BMAL1: variants seen among roughly 807,000 people sequenced by gnomAD.
BMAL1 encodes the protein basic helix-loop-helix ARNT-like protein 1.
At chr11:13,325,649 G>T in the BMAL1 span, among the ~76,000 whole-genome samples, 1 of 105,008 alleles carries the variant, frequency 9.5e-6, no homozygotes, top group Non-Finnish European at 2.1e-5. Context: ...GCTGCCTTTT[G>T]AGACCTTTTG....
chr11:13,347,681 T>C, the BMAL1 span, among the ~76,000 whole-genome samples: 21 of 85,258 alleles, frequency 2.5e-4, no homozygotes, highest in Middle Eastern at 0.013. Flanking sequence ...GCCTCCTCTC[T>C]ACAAAAAATA....
the BMAL1 span, chr11:13,354,197 C>G: frequency 1.3e-6 from 1 of 741,104 alleles, no homozygotes; most frequent in Non-Finnish European, 2.1e-6. Flanking sequence ...GTCTCCCCCC[C>G]CGGCCCCCCA....
chr11:13,375,518 G>C, the BMAL1 span: 4 of 1,075,380 alleles, frequency 3.7e-6, no homozygotes, highest in Non-Finnish European at 3.8e-6. Flanking sequence ...GATGTCGTTG[G>C]AGCTCAAGTA....
the BMAL1 span, among the ~76,000 whole-genome samples, chr11:13,280,796 ATC>A: frequency 6.6e-6 from 1 of 152,024 alleles, no homozygotes; most frequent in African/African-American, 2.4e-5. Context: ...CCCCCTCAGC[ATC>A]TCTTACTTCC....
chr11:13,383,048 A>C, the BMAL1 span, among the ~76,000 whole-genome samples: 1 of 152,236 alleles, frequency 6.6e-6, no homozygotes, highest in Non-Finnish European at 1.5e-5. Context: ...AGGACTTATA[A>C]GAAAAGCAGC....
At chr11:13,386,808 GGA>G in the BMAL1 span, 1 of 1,588,040 alleles carries the variant, frequency 6.3e-7, no homozygotes, top group East Asian at 2.3e-5. Context: ...CATTACTGGT[GGA>G]GTTTTACAGT....
At chr11:13,356,812 C>T in the BMAL1 span, 1 of 1,613,936 alleles carries the variant, frequency 6.2e-7, no homozygotes, top group Non-Finnish European at 8.5e-7. Flanking sequence ...CTTCAGCATC[C>T]TTATAGCCAT....
the BMAL1 span, among the ~76,000 whole-genome samples, chr11:13,301,743 T>G: frequency 9.0e-3 from 1,374 of 152,314 alleles, 19 homozygotes; most frequent in African/African-American, 0.032. Context: ...TAGCACTTTA[T>G]GGAGAGTATC....
At chr11:13,329,786 G>A in the BMAL1 span, among the ~76,000 whole-genome samples, 1,304 of 151,940 alleles carry the variant, frequency 8.6e-3, 24 homozygotes, top group African/African-American at 0.03. Context: ...GGTACGGTAC[G>A]GATTTTTAAA....
the BMAL1 span, chr11:13,354,214 A>ACCCCCCCCCC: frequency 2.3e-6 from 2 of 872,260 alleles, no homozygotes; most frequent in East Asian, 7.3e-5. Flanking sequence ...CCCACCACCA[A>ACCCCCCCCCC]ACCCCCAAGC....
At chr11:13,381,715 G>A in the BMAL1 span, among the ~76,000 whole-genome samples, 1 of 152,220 alleles carries the variant, frequency 6.6e-6, no homozygotes, top group East Asian at 1.9e-4. Flanking sequence ...GGGATCTGCT[G>A]CCTGGGGGTT....
the BMAL1 span, chr11:13,369,652 G>A: frequency 1.2e-6 from 2 of 1,613,886 alleles, no homozygotes; most frequent in South Asian, 1.1e-5. Flanking sequence ...TAACCCCTGG[G>A]CCATCTCGAT....
chr11:13,347,353 C>G, the BMAL1 span, among the ~76,000 whole-genome samples: 1 of 152,090 alleles, frequency 6.6e-6, no homozygotes, highest in Non-Finnish European at 1.5e-5. Context: ...TGCACCCTAA[C>G]CTGGGCAACA....
chr11:13,319,373 T>C, the BMAL1 span, among the ~76,000 whole-genome samples: 1 of 152,246 alleles, frequency 6.6e-6, no homozygotes, highest in South Asian at 2.1e-4. Context: ...GAAGTAGGAC[T>C]TTTGGTTTAA....
At chr11:13,279,069 G>A in the BMAL1 span, among the ~76,000 whole-genome samples, 14 of 152,154 alleles carry the variant, frequency 9.2e-5, no homozygotes, top group African/African-American at 3.4e-4. Flanking sequence ...CTGCCGCCGC[G>A]CACCCCGCAC....
At chr11:13,313,462 T>G in the BMAL1 span, among the ~76,000 whole-genome samples, 1 of 152,166 alleles carries the variant, frequency 6.6e-6, no homozygotes, top group South Asian at 2.1e-4. Flanking sequence ...TGTCCCCTCC[T>G]GAGTGCCACA....
the BMAL1 span, chr11:13,358,662 C>CT: frequency 7.1e-7 from 1 of 1,410,014 alleles, no homozygotes; most frequent in Non-Finnish European, 9.3e-7. Context: ...TAGAATGTTC[C>CT]TATCCCTAAG....
the BMAL1 span, chr11:13,374,214 G>C: frequency 6.2e-7 from 1 of 1,607,110 alleles, no homozygotes; most frequent in Non-Finnish European, 8.5e-7. Flanking sequence ...AAGCTAGGAT[G>C]TATGAAAGAT....
At chr11:13,372,523 G>GA in the BMAL1 span, 1 of 1,492,782 alleles carries the variant, frequency 6.7e-7, no homozygotes, top group South Asian at 1.3e-5. Context: ...AAGAAAGAAA[G>GA]AAAAAGCTGG....
Sources: gnomAD v4.1 joint callset for allele counts (sites outside exome capture counted in the v4.1 genomes callset) on GRCh38, gnomAD v4.1.1 for gene constraint, MANE v1.5 for transcripts, NCBI Gene and HGNC (gene_info 2026-07-23, HGNC 2026-07-21) for gene names.